The following BTRC variants were observed in gnomAD, a reference collection of about 807,000 sequenced individuals.
BTRC encodes F-box/WD repeat-containing protein 1A.
BTRC carries 42 observed loss-of-function variants against 85.5 expected under a neutral mutation model. The ratio of observed to expected loss-of-function variants is 0.49; its 90% CI spans 0.38 to 0.64. BTRC has a LOEUF of 0.64. Among genes scored for constraint, BTRC ranks in the 30% least tolerant of loss-of-function variants. BTRC has a pLI of 0.00. For missense variants in BTRC, 594 were observed against 743.5 expected, an observed-to-expected ratio of 0.80 and a Z score of 2.34; for synonymous variants, 255 against 263.3, an observed-to-expected ratio of 0.97 and a Z score of 0.30.
At chr10:101,412,389 A>G (rs1943805197) in intron 1 of BTRC, among the ~76,000 whole-genome samples, 1 of 152,102 alleles carries the variant, frequency 6.6e-6, no homozygotes, top group Admixed American at 6.5e-5. Context: ...TTTAAGGGTC[A>G]CCTTATTTGT....
intron 4 of BTRC, among the ~76,000 whole-genome samples, chr10:101,520,987 C>T (rs1016578100): frequency 4.6e-5 from 7 of 151,142 alleles, no homozygotes; most frequent in South Asian, 2.1e-4. Flanking sequence ...GTTGTGATGA[C>T]GGAGCACAAT....
chr10:101,454,522 G>A (rs968844232), intron 2 of BTRC, among the ~76,000 whole-genome samples: 4 of 152,188 alleles, frequency 2.6e-5, no homozygotes, highest in Non-Finnish European at 4.4e-5. Flanking sequence ...GCTCATGCCT[G>A]TAATCCCAGC....
chr10:101,442,889 CTTT>C (rs755689728), intron 2 of BTRC, among the ~76,000 whole-genome samples: 2 of 122,366 alleles, frequency 1.6e-5, no homozygotes, highest in Non-Finnish European at 3.3e-5. Flanking sequence ...CTCACTTGCT[CTTT>C]TTTTTTTTTT....
chr10:101,470,329 CTTTTTTTTT>C (rs950644281), intron 3 of BTRC, among the ~76,000 whole-genome samples: 1 of 94,932 alleles, frequency 1.1e-5, no homozygotes, highest in African/African-American at 4.5e-5. Flanking sequence ...ATTTTTCTTT[CTTTTTTTTT>C]TTTTTTTTTT....
intron 1 of BTRC, among the ~76,000 whole-genome samples, chr10:101,417,845 T>C (rs12258171): frequency 0.37 from 55,578 of 151,920 alleles, 11,184 homozygotes; most frequent in Middle Eastern, 0.48. Flanking sequence ...CTTTTTTTCC[T>C]GTTAATTCTT....
At chr10:101,418,345 G>C (rs1944002707) in intron 1 of BTRC, among the ~76,000 whole-genome samples, 1 of 151,902 alleles carries the variant, frequency 6.6e-6, no homozygotes, top group Non-Finnish European at 1.5e-5. Flanking sequence ...TCCAGCCTGG[G>C]TGACAGAGCA....
At chr10:101,387,619 TG>T (rs1476598078) in intron 1 of BTRC, among the ~76,000 whole-genome samples, 5 of 146,460 alleles carry the variant, frequency 3.4e-5, no homozygotes, top group African/African-American at 1.3e-4. Context: ...CTCTGCCTCC[TG>T]GGTTCAAGCG....
chr10:101,512,492 A>G (rs1041523401), intron 4 of BTRC, among the ~76,000 whole-genome samples: 8 of 152,182 alleles, frequency 5.3e-5, no homozygotes, highest in African/African-American at 1.9e-4. Context: ...GCAGATTTGG[A>G]TGCAAACTAG....
intron 1 of BTRC, among the ~76,000 whole-genome samples, chr10:101,407,559 T>A (rs940498554): frequency 2.6e-5 from 4 of 151,728 alleles, no homozygotes; most frequent in African/African-American, 9.7e-5. Flanking sequence ...CCCAGCTAAT[T>A]TCTGTATTTT....
At chr10:101,481,301 GC>G (rs1276255911) in intron 4 of BTRC, among the ~76,000 whole-genome samples, 4 of 152,200 alleles carry the variant, frequency 2.6e-5, no homozygotes, top group African/African-American at 9.6e-5. Flanking sequence ...AGTTATTTGG[GC>G]CTTTAAAAAT....
intron 4 of BTRC, among the ~76,000 whole-genome samples, chr10:101,493,174 C>T (rs1946176463): frequency 6.6e-6 from 1 of 152,114 alleles, no homozygotes; most frequent in Admixed American, 6.5e-5. Flanking sequence ...GATTTATTTT[C>T]ACTTGCACGG....
At chr10:101,366,782 A>ATTTTTTTTTATATT (rs1564729588) in intron 1 of BTRC, among the ~76,000 whole-genome samples, 1 of 81,618 alleles carries the variant, frequency 1.2e-5, no homozygotes, top group African/African-American at 3.8e-5. Context: ...ATATATATAT[A>ATTTTTTTTTATATT]TATATATTTT....
intron 4 of BTRC, among the ~76,000 whole-genome samples, chr10:101,487,173 G>C (rs960141620): frequency 7.9e-5 from 12 of 152,200 alleles, no homozygotes; most frequent in African/African-American, 2.4e-4. Context: ...CACAGAATAG[G>C]GTTTCTTGTT....
At chr10:101,399,467 A>G (rs1232923840) in intron 1 of BTRC, among the ~76,000 whole-genome samples, 2 of 152,104 alleles carry the variant, frequency 1.3e-5, no homozygotes, top group Non-Finnish European at 1.5e-5. Flanking sequence ...AAACAGTTCA[A>G]AGATTGCATT....
intron 4 of BTRC, among the ~76,000 whole-genome samples, chr10:101,505,894 C>T (rs1946527256): frequency 2.0e-5 from 3 of 151,210 alleles, no homozygotes; most frequent in Non-Finnish European, 2.9e-5. Flanking sequence ...ATTTGGTTTG[C>T]TATTTTGATG....
intron 1 of BTRC, among the ~76,000 whole-genome samples, chr10:101,366,641 T>A (rs1324807113): frequency 1.3e-5 from 2 of 148,956 alleles, no homozygotes; most frequent in African/African-American, 5.0e-5. Flanking sequence ...GTAACTTGGG[T>A]AAAGGCCAGG....
chr10:101,484,948 A>G (rs1945943498), intron 4 of BTRC, among the ~76,000 whole-genome samples: 1 of 152,206 alleles, frequency 6.6e-6, no homozygotes, highest in South Asian at 2.1e-4. Context: ...TCTTATAGAC[A>G]AGAGTTTGTG....
intron 13 of BTRC, among the ~76,000 whole-genome samples, chr10:101,549,373 G>C (rs1446688682): frequency 6.6e-6 from 1 of 151,696 alleles, no homozygotes; most frequent in Admixed American, 6.6e-5. Flanking sequence ...TGAGGTTACA[G>C]TGAGCTATGA....
chr10:101,384,655 T>A (rs1415583440), intron 1 of BTRC, among the ~76,000 whole-genome samples: 1 of 152,204 alleles, frequency 6.6e-6, no homozygotes, highest in African/African-American at 2.4e-5. Flanking sequence ...GTCCAGCCAA[T>A]TAGCAGTAGG....
Sources: allele counts gnomAD v4.1 joint callset (sites outside exome capture counted in the v4.1 genomes callset), GRCh38; gene constraint gnomAD v4.1.1; transcripts MANE v1.5; gene names NCBI Gene and HGNC (gene_info 2026-07-23, HGNC 2026-07-21).